The following SOX6 variants were observed in gnomAD, a reference collection of about 807,000 sequenced individuals.
SOX6 encodes SRY-box transcription factor 6.
Under a neutral mutation model 97.8 loss-of-function variants are expected in SOX6, and 11 were observed. That is an observed-to-expected ratio of 0.11 (90% CI 0.07 to 0.19). SOX6 has a LOEUF of 0.19. SOX6 is among the 10% of genes least tolerant of loss of function. The probability of loss-of-function intolerance (pLI) is 1.00; values close to 1 mark genes in which losing one functional copy is unlikely to be tolerated. For synonymous variants in SOX6, 360 were observed against 371.4 expected (o/e 0.97, Z 0.35); for missense variants, 810 against 1,039.5 (o/e 0.78, Z 3.04).
intron 3 of SOX6, among the ~76,000 whole-genome samples, chr11:16,298,131 G>A (rs1012606500): frequency 2.0e-5 from 3 of 152,092 alleles, no homozygotes; most frequent in African/African-American, 7.2e-5. Context: ...ACGTTCTTCT[G>A]ACTGGGACCC....
intron 9 of SOX6, among the ~76,000 whole-genome samples, chr11:16,082,522 C>T: frequency 6.6e-6 from 1 of 152,126 alleles, no homozygotes; most frequent in East Asian, 1.9e-4. Flanking sequence ...CTGCAGATTA[C>T]AGGATTTCCC....
At chr11:16,705,859 A>C (rs761887682) in intron 3 of SOX6, among the ~76,000 whole-genome samples, 4 of 152,156 alleles carry the variant, frequency 2.6e-5, no homozygotes, top group Non-Finnish European at 5.9e-5. Flanking sequence ...AAGAAATGAG[A>C]AAGGAATAAA....
At chr11:16,696,259 T>C (rs1848052934) in intron 3 of SOX6, among the ~76,000 whole-genome samples, 1 of 152,224 alleles carries the variant, frequency 6.6e-6, no homozygotes, top group Admixed American at 6.5e-5. Flanking sequence ...ACTCTTAAGT[T>C]CCGGTCTCAG....
In SOX6 at chr11:16,095,995, C is replaced by T. The variant is rs1848785039; in HGVS notation, c.1101+1G>A. ...TGAAGCATCAATGGAAGCATTCATACCTCAATCTGTTTGTGGTTGTAAGAG... is the reference window on the plus strand; with the variant it reads ...TGAAGCATCAATGGAAGCATTCATATCTCAATCTGTTTGTGGTTGTAAGAG... On this transcript the variant is annotated splice_donor_variant, in intron 9 of 15. Coordinates refer to ENST00000683767, the MANE Select transcript of SOX6 (RefSeq NM_001367873.1). LOFTEE classifies it high-confidence loss of function. 6.2e-7 allele frequency: 1 copy of T among 1,609,196 alleles called. No homozygotes were observed. The highest frequency in any genetic ancestry group is 8.5e-7 in the Non-Finnish European group (1 of 1,177,404).
At chr11:16,136,436 C>G (rs181429974) in intron 6 of SOX6, among the ~76,000 whole-genome samples, 1 of 146,742 alleles carries the variant, frequency 6.8e-6, no homozygotes, top group African/African-American at 2.5e-5. Context: ...GGTCTCACTT[C>G]GTCACCCAGG....
At chr11:16,366,946 A>C (rs76877177) in intron 1 of SOX6, among the ~76,000 whole-genome samples, 3 of 152,176 alleles carry the variant, frequency 2.0e-5, no homozygotes, top group Admixed American at 2.0e-4. Context: ...AACTCTTATA[A>C]AGATAACTAC....
intron 3 of SOX6, among the ~76,000 whole-genome samples, chr11:16,645,247 T>C (rs572534843): frequency 6.6e-5 from 10 of 152,326 alleles, no homozygotes; most frequent in Admixed American, 3.9e-4. Flanking sequence ...TGTCTCCAAA[T>C]CTCTTTGCAC....
Position 16,186,800 on chromosome 11 carries a change from G to T in SOX6, c.691C>A (p.Arg231Ser). 1 of 1,613,158 alleles carries T rather than the reference G, an allele frequency of 6.2e-7. No homozygotes were observed. Among genetic ancestry groups the T allele is most frequent in the Non-Finnish European group, 8.5e-7 (1 of 1,179,802 alleles). ...EKQRQQMDLA[R>S]QQQEQIARQQ... ...GGGCTCACCTGTTCTTGCTGTTGGC[G>T]AGCAAGGTCCATTTGCTGCCGTTGT... The change falls in exon 5 of 16, where the codon CGC becomes AGC. Residue 231 changes from arginine to serine, a missense_variant. This residue lies in a region of SOX6 where 110 missense variants were observed against 119.0 expected (regional missense o/e 0.92). Transcript: ENST00000683767.
chr11:16,200,749 T>C (rs1851913126), intron 4 of SOX6, among the ~76,000 whole-genome samples: 1 of 152,174 alleles, frequency 6.6e-6, no homozygotes, highest in South Asian at 2.1e-4. Flanking sequence ...ATTTTTATAT[T>C]AGTTTGTTTA....
chr11:16,738,445 A>G (rs1402546817), exon 1 of SOX6: 5 of 402,116 alleles, frequency 1.2e-5, no homozygotes, highest in Non-Finnish European at 2.3e-5. Flanking sequence ...ATCCGCGGGA[A>G]CGCTTCCTCC....
intron 4 of SOX6, among the ~76,000 whole-genome samples, chr11:16,519,871 G>T (rs968418949): frequency 2.0e-4 from 31 of 151,996 alleles, no homozygotes; most frequent in African/African-American, 7.0e-4. Flanking sequence ...TGTTATTTTT[G>T]ACTTTTTAAT....
At chr11:16,694,987 T>C (rs1848042668) in intron 3 of SOX6, among the ~76,000 whole-genome samples, 1 of 152,212 alleles carries the variant, frequency 6.6e-6, no homozygotes. Flanking sequence ...CATGGGAGGA[T>C]GTGCATAGGT....
At chr11:16,081,942 T>C (rs1433056980) in intron 9 of SOX6, among the ~76,000 whole-genome samples, 1 of 152,170 alleles carries the variant, frequency 6.6e-6, no homozygotes, top group Non-Finnish European at 1.5e-5. Context: ...ACAGACCTGG[T>C]GCGACTGTGG....
intron 6 of SOX6, among the ~76,000 whole-genome samples, chr11:16,123,794 C>A (rs1564966903): frequency 6.6e-6 from 1 of 152,028 alleles, no homozygotes; most frequent in Non-Finnish European, 1.5e-5. Context: ...TAATTTTATA[C>A]TTTTATTTAG....
At chr11:16,049,009 G>T (rs1000141456) in intron 11 of SOX6, among the ~76,000 whole-genome samples, 1 of 151,974 alleles carries the variant, frequency 6.6e-6, no homozygotes, top group Non-Finnish European at 1.5e-5. Flanking sequence ...TGCCTTCTAG[G>T]TTCTAAACTG....
chr11:16,464,916 T>C (rs943101719), intron 1 of SOX6, among the ~76,000 whole-genome samples: 1 of 152,186 alleles, frequency 6.6e-6, no homozygotes, highest in Non-Finnish European at 1.5e-5. Context: ...CCTTTTACAT[T>C]GGTATTGTCT....
At chr11:16,564,708 C>G (rs1847850286) in intron 4 of SOX6, among the ~76,000 whole-genome samples, 1 of 151,650 alleles carries the variant, frequency 6.6e-6, no homozygotes, top group African/African-American at 2.4e-5. Flanking sequence ...TCCAAATAAT[C>G]CATGAGTCAA....
chr11:16,531,736 A>G (rs955597063), intron 4 of SOX6, among the ~76,000 whole-genome samples: 1 of 151,952 alleles, frequency 6.6e-6, no homozygotes, highest in Non-Finnish European at 1.5e-5. Context: ...TGTAGTCTAT[A>G]TTAATGTGAA....
chr11:16,451,845 C>G (rs1291196828), intron 1 of SOX6, among the ~76,000 whole-genome samples: 2 of 151,870 alleles, frequency 1.3e-5, no homozygotes, highest in Non-Finnish European at 2.9e-5. Flanking sequence ...CCAGACCTGG[C>G]AACATAGTGA....
Sources: gnomAD v4.1 joint callset for allele counts (sites outside exome capture counted in the v4.1 genomes callset) on GRCh38, gnomAD v4.1.1 for gene constraint, gnomAD v4.1.1 regional missense constraint, MANE v1.5 for transcripts, NCBI Gene and HGNC (gene_info 2026-07-23, HGNC 2026-07-21) for gene names.